Variants in SAMD3 observed in about 807,000 individuals in gnomAD.
SAMD3 encodes sterile alpha motif domain-containing protein 3.
SAMD3 carries 63 observed loss-of-function variants against 58.5 expected under a neutral mutation model. That is an observed-to-expected ratio of 1.08 (90% CI 0.88 to 1.33). The LOEUF (loss-of-function observed/expected upper bound fraction) is 1.33, where lower values mean the gene tolerates loss of function less well. Among genes scored for constraint, SAMD3 ranks in the 40% most tolerant of loss-of-function variants. SAMD3 has a pLI of 0.00. For synonymous variants in SAMD3, 220 were observed against 210.3 expected (o/e 1.05, Z -0.40); for missense variants, 604 against 608.4 (o/e 0.99, Z 0.08).
chr6:130,149,087 C>G (rs1382853479), intron 9 of SAMD3, among the ~76,000 whole-genome samples: 2 of 152,186 alleles, frequency 1.3e-5, no homozygotes, highest in East Asian at 3.8e-4. Context: ...ACTTTCAATT[C>G]CAAACCAATA....
chr6:130,230,029 A>G (rs957354610), intron 2 of SAMD3, among the ~76,000 whole-genome samples: 1 of 152,250 alleles, frequency 6.6e-6, no homozygotes, highest in African/African-American at 2.4e-5. Context: ...GTTTTACAGC[A>G]AATTGTGATG....
chr6:130,182,889 G>C (rs1792505066), intron 7 of SAMD3: 2 of 156,200 alleles, frequency 1.3e-5, no homozygotes, highest in Admixed American at 1.3e-4. Flanking sequence ...GTATGCATAT[G>C]GCATATAGAG....
intron 8 of SAMD3, among the ~76,000 whole-genome samples, chr6:130,158,989 T>C (rs1790045097): frequency 6.6e-6 from 1 of 152,150 alleles, no homozygotes; most frequent in Non-Finnish European, 1.5e-5. Flanking sequence ...GTAACAAAGT[T>C]ATATCCCAAT....
chr6:130,286,668 T>C (rs998908299), intron 2 of SAMD3, among the ~76,000 whole-genome samples: 2 of 144,944 alleles, frequency 1.4e-5, no homozygotes, highest in African/African-American at 4.9e-5. Flanking sequence ...AATTTTCTCC[T>C]TCATTGGCTT....
At chr6:130,242,417 A>G (rs890092729) in intron 2 of SAMD3, among the ~76,000 whole-genome samples, 4 of 152,258 alleles carry the variant, frequency 2.6e-5, no homozygotes, top group Non-Finnish European at 4.4e-5. Context: ...CAATCCCTAA[A>G]TTATACACGA....
intron 4 of SAMD3, among the ~76,000 whole-genome samples, chr6:130,211,480 C>T (rs1190908245): frequency 6.6e-6 from 1 of 151,928 alleles, no homozygotes; most frequent in East Asian, 1.9e-4. Context: ...GATGGGGTTT[C>T]ACCATGTTGG....
intron 2 of SAMD3, among the ~76,000 whole-genome samples, chr6:130,294,909 ATTTTTTTTTTTTTTTTTTT>A (rs774036634): frequency 5.3e-5 from 3 of 56,146 alleles, no homozygotes; most frequent in Non-Finnish European, 9.9e-5. Flanking sequence ...CATTTCTCTG[ATTTTTTTTTTTTTTTTTTT>A]TTTTTTTTTT....
At chr6:130,365,815 C>A (rs1441937202), upstream of SAMD3, 38 of 985,480 alleles carry the variant, frequency 3.9e-5, no homozygotes, top group Non-Finnish European at 4.1e-5. Flanking sequence ...CCGGCCTGGG[C>A]TCCTGCAGAG....
At chr6:130,156,051 A>G (rs1789751145) in intron 8 of SAMD3, among the ~76,000 whole-genome samples, 1 of 152,110 alleles carries the variant, frequency 6.6e-6, no homozygotes, top group Non-Finnish European at 1.5e-5. Context: ...AAGAAAAAGG[A>G]AAGGAGGCCA....
intron 6 of SAMD3, 122 bp from the exon 7 acceptor site, chr6:130,184,309 T>C (rs1792716496): frequency 9.5e-6 from 11 of 1,158,782 alleles, no homozygotes; most frequent in Non-Finnish European, 1.3e-5. Flanking sequence ...GAGATTTAAA[T>C]ATTGGGCAAT....
intron 2 of SAMD3, among the ~76,000 whole-genome samples, chr6:130,297,877 T>C (rs931930819): frequency 5.3e-5 from 8 of 152,104 alleles, no homozygotes; most frequent in Admixed American, 1.3e-4. Context: ...TAGAGAAATA[T>C]AGGATTATGT....
chr6:130,216,010 T>A, intron 2 of SAMD3: 1 of 453,246 alleles, frequency 2.2e-6, no homozygotes, highest in Non-Finnish European at 3.9e-6. Flanking sequence ...ACTACCACAC[T>A]GACTGAAAAC....
At chr6:130,263,777 A>G (rs1187172709) in intron 2 of SAMD3, among the ~76,000 whole-genome samples, 1 of 152,112 alleles carries the variant, frequency 6.6e-6, no homozygotes, top group Non-Finnish European at 1.5e-5. Flanking sequence ...GACTCTCCTT[A>G]GACTGGGCAT....
At chr6:130,330,561 A>G (rs1476718352) in intron 1 of SAMD3, among the ~76,000 whole-genome samples, 1 of 152,204 alleles carries the variant, frequency 6.6e-6, no homozygotes, top group East Asian at 1.9e-4. Context: ...AAATTAAATT[A>G]TGTGACCATT....
intron 7 of SAMD3, among the ~76,000 whole-genome samples, chr6:130,181,540 T>C (rs1191347978): frequency 6.6e-6 from 1 of 152,208 alleles, no homozygotes; most frequent in East Asian, 1.9e-4. Flanking sequence ...TTAGTGAATG[T>C]CACTGGGAAC....
At chr6:130,227,717 G>A (rs1796423178), upstream of SAMD3, among the ~76,000 whole-genome samples, 1 of 151,804 alleles carries the variant, frequency 6.6e-6, no homozygotes, top group African/African-American at 2.4e-5. Flanking sequence ...GAACCTGGTA[G>A]GCAGAGGTTG....
At chr6:130,165,597 C>A (rs1392868860) in intron 8 of SAMD3, among the ~76,000 whole-genome samples, 1 of 152,070 alleles carries the variant, frequency 6.6e-6, no homozygotes, top group East Asian at 1.9e-4. Flanking sequence ...ATGTAAAGAG[C>A]TAGACACCTA....
At position 130,214,432 on chromosome 6, in the gene SAMD3, A is replaced by G. The variant is rs764707136; in HGVS notation, c.174T>C (p.Asp58=). Residue 58 remains aspartate (D), a synonymous_variant, in exon 4 of 12, where the codon GAT becomes GAC. Coordinates refer to ENST00000439090, the MANE Select transcript of SAMD3 (RefSeq NM_001017373.4). ...TGTTCTGCTTGTATTTTTTAATTAA[A>G]TCCATCAGAACAGCCTGGTGCCCAA... is the stretch of plus-strand genomic sequence containing the variant. ...KKIGHQAVLM[D]LIKKYKQNTQ... is the part of the protein sequence containing the mutation. 1.9e-6 allele frequency: 3 copies of G among 1,613,042 alleles called. No homozygotes were observed. The highest frequency in any genetic ancestry group is 1.6e-4 in the Middle Eastern group (1 of 6,076).
chr6:130,256,650 C>G (rs1011281922), intron 2 of SAMD3, among the ~76,000 whole-genome samples: 11 of 152,290 alleles, frequency 7.2e-5, no homozygotes, highest in Middle Eastern at 3.4e-3. Flanking sequence ...TGTCAATATG[C>G]AGTCCTCTCC....
Sources: allele counts gnomAD v4.1 joint callset (sites outside exome capture counted in the v4.1 genomes callset), GRCh38; gene constraint gnomAD v4.1.1; transcripts MANE v1.5; gene names NCBI Gene and HGNC (gene_info 2026-07-23, HGNC 2026-07-21).